NRXN3: variants seen among roughly 807,000 people sequenced by gnomAD.
The protein encoded by NRXN3 is neurexin III.
Under a neutral mutation model 137.6 loss-of-function variants are expected in NRXN3, and 32 were observed. That is an observed-to-expected ratio of 0.23 (90% CI 0.18 to 0.31). NRXN3 has a LOEUF of 0.31. NRXN3 is among the 10% of genes least tolerant of loss of function. NRXN3 has a pLI of 1.00. For synonymous variants in NRXN3, 798 were observed against 784.5 expected, an observed-to-expected ratio of 1.02 and a Z score of -0.29; for missense variants, 1,574 against 2,062.5, an observed-to-expected ratio of 0.76 and a Z score of 4.59.
intron 8 of NRXN3, among the ~76,000 whole-genome samples, chr14:78,783,821 A>C (rs1037520366): frequency 1.3e-5 from 2 of 152,188 alleles, no homozygotes; most frequent in Non-Finnish European, 2.9e-5. Context: ...TGTATGTACC[A>C]GATAGAAGGC....
At chr14:78,909,166 C>T (rs946527070) in intron 10 of NRXN3, among the ~76,000 whole-genome samples, 8 of 152,074 alleles carry the variant, frequency 5.3e-5, no homozygotes, top group South Asian at 4.1e-4. Flanking sequence ...TTTAAACAAG[C>T]GGGATCAAAA....
At chr14:79,543,173 G>A (rs1020829601) in intron 16 of NRXN3, among the ~76,000 whole-genome samples, 8 of 152,172 alleles carry the variant, frequency 5.3e-5, no homozygotes, top group African/African-American at 1.9e-4. Context: ...CATGCCAGTT[G>A]TCATCTTCCA....
intron 19 of NRXN3, among the ~76,000 whole-genome samples, chr14:79,744,701 C>T (rs2098973757): frequency 6.6e-6 from 1 of 152,158 alleles, no homozygotes; most frequent in Admixed American, 6.6e-5. Flanking sequence ...GATGGCTTTG[C>T]AGATTTTGTT....
chr14:79,275,495 G>A (rs2153432732), intron 15 of NRXN3, among the ~76,000 whole-genome samples: 1 of 152,240 alleles, frequency 6.6e-6, no homozygotes, highest in East Asian at 1.9e-4. Flanking sequence ...CAAGTGAGGA[G>A]AGGCCTGTGC....
chr14:79,814,014 C>T (rs1181717487), intron 20 of NRXN3, among the ~76,000 whole-genome samples: 3 of 152,238 alleles, frequency 2.0e-5, no homozygotes, highest in Non-Finnish European at 4.4e-5. Context: ...AGCGCATCAA[C>T]TAACCATGGC....
chr14:79,678,899 T>C (rs1006396911), intron 17 of NRXN3, among the ~76,000 whole-genome samples: 1 of 152,164 alleles, frequency 6.6e-6, no homozygotes, highest in African/African-American at 2.4e-5. Flanking sequence ...GTAATTAGAA[T>C]GGTGAAAATA....
At chr14:79,281,294 A>G (rs980500647) in intron 15 of NRXN3, among the ~76,000 whole-genome samples, 30 of 152,170 alleles carry the variant, frequency 2.0e-4, no homozygotes, top group African/African-American at 7.0e-4. Context: ...ATCTTTAGGT[A>G]GCAGAGATGG....
At chr14:78,632,674 A>C (rs1307119147) in intron 4 of NRXN3, among the ~76,000 whole-genome samples, 1 of 152,202 alleles carries the variant, frequency 6.6e-6, no homozygotes. Flanking sequence ...GTGAGGGATA[A>C]ATAAGAAATA....
intron 10 of NRXN3, among the ~76,000 whole-genome samples, chr14:78,914,191 G>T (rs1289957785): frequency 6.6e-6 from 1 of 152,188 alleles, no homozygotes; most frequent in African/African-American, 2.4e-5. Flanking sequence ...TGTGTGCATG[G>T]ATTGGTGAGG....
chr14:78,841,815 T>G (rs1430290672), intron 10 of NRXN3, among the ~76,000 whole-genome samples: 2 of 152,144 alleles, frequency 1.3e-5, no homozygotes, highest in Non-Finnish European at 2.9e-5. Context: ...CTCACCAAGA[T>G]TTTAACGAAG....
chr14:78,437,188 T>G (rs1028950563), intron 4 of NRXN3, among the ~76,000 whole-genome samples: 2 of 152,216 alleles, frequency 1.3e-5, no homozygotes, highest in East Asian at 3.9e-4. Context: ...ACCCTTATAC[T>G]TTAGATGAAG....
chr14:79,482,348 A>G (rs914213836), intron 16 of NRXN3, among the ~76,000 whole-genome samples: 1 of 152,184 alleles, frequency 6.6e-6, no homozygotes, highest in Non-Finnish European at 1.5e-5. Context: ...ATATTTTGCA[A>G]CAGCAGTTTC....
Position 78,967,318 on chromosome 14 carries a change from A to G in NRXN3, c.2888A>G (p.Asn963Ser). The G allele has an allele frequency of 1.2e-6, 2 of 1,614,122 alleles. No individual in the cohort carries two copies. The highest frequency in any genetic ancestry group is 1.7e-6 in the Non-Finnish European group (2 of 1,179,990). ...CACAATGTCGTCATCACTCGGGACA[A>G]TAGTAACACTCATAGCCTGAAAGTG... is the stretch of plus-strand genomic sequence containing the variant. Reference protein sequence around the residue: ...QWHNVVITRDNSNTHSLKVDT... With the variant: ...QWHNVVITRDSSNTHSLKVDT... The change falls in exon 13 of 21, where the codon AAT (asparagine) becomes AGT (serine). Residue 963 changes from asparagine to serine, a missense_variant. This residue lies in a region of NRXN3 where 718 missense variants were observed against 887.6 expected (regional missense o/e 0.81). Coordinates refer to ENST00000335750, the MANE Select transcript of NRXN3 (RefSeq NM_001330195.2).
chr14:78,227,467 T>G lies in NRXN3; in HGVS notation c.-703-14924T>G, dbSNP rs370633507. Among the ~76,000 whole-genome samples, 14 of 152,350 alleles carry G rather than the reference T, an allele frequency of 9.2e-5. 1 individual carries two copies. In the East Asian group the frequency reaches 1.3e-3, roughly 15 times the overall value. On this transcript the variant is annotated intron_variant, in intron 1 of 20. Transcript: ENST00000335750. ...GATCATTGCTGTATGCAGTCAGTACTTACTTGTTTGCTCCGTGCATGTTAC... is the reference window on the plus strand; with the variant it reads ...GATCATTGCTGTATGCAGTCAGTACGTACTTGTTTGCTCCGTGCATGTTAC...
At chr14:79,232,262 G>A (rs1416774377) in intron 15 of NRXN3, among the ~76,000 whole-genome samples, 7 of 151,058 alleles carry the variant, frequency 4.6e-5, no homozygotes, top group East Asian at 1.9e-4. Flanking sequence ...GCGCGCGCAC[G>A]TGTGTGTGTG....
intron 4 of NRXN3, among the ~76,000 whole-genome samples, chr14:78,460,052 A>G (rs1321573582): frequency 1.3e-5 from 2 of 152,262 alleles, no homozygotes; most frequent in African/African-American, 4.8e-5. Flanking sequence ...AGAAACTCAC[A>G]GAACTTAGGG....
chr14:78,252,469 T>A (rs1048483610), intron 2 of NRXN3, among the ~76,000 whole-genome samples: 1 of 152,228 alleles, frequency 6.6e-6, no homozygotes, highest in African/African-American at 2.4e-5. Flanking sequence ...AGAGCCTTAT[T>A]TAAGTACGGT....
intron 15 of NRXN3, among the ~76,000 whole-genome samples, chr14:79,031,114 C>T (rs1372211060): frequency 1.3e-5 from 2 of 152,068 alleles, no homozygotes; most frequent in Non-Finnish European, 2.9e-5. Flanking sequence ...GGATTTTTCT[C>T]AGGTATGTAA....
chr14:79,683,002 C>T (rs1043224253), intron 17 of NRXN3, among the ~76,000 whole-genome samples: 2 of 152,062 alleles, frequency 1.3e-5, no homozygotes, highest in Non-Finnish European at 2.9e-5. Flanking sequence ...CAGTCCCCTC[C>T]CACCCCTCAC....
Sources: allele counts gnomAD v4.1 joint callset (sites outside exome capture counted in the v4.1 genomes callset), GRCh38; gene constraint gnomAD v4.1.1; regional missense constraint gnomAD v4.1.1; transcripts MANE v1.5; gene names NCBI Gene and HGNC (gene_info 2026-07-23, HGNC 2026-07-21).